The following DRC8 variants were observed in gnomAD, a reference collection of about 807,000 sequenced individuals.
The protein encoded by DRC8 is dynein regulatory complex protein 8.
the DRC8 span, chr1:245,091,397 C>T: frequency 5.9e-5 from 9 of 152,242 alleles, no homozygotes; most frequent in Non-Finnish European, 7.3e-5. Context: ...GACAGCTCTG[C>T]GTTAAGACCT....
chr1:245,088,227 G>A, the DRC8 span, among the ~76,000 whole-genome samples: 1 of 151,628 alleles, frequency 6.6e-6, no homozygotes, highest in South Asian at 2.1e-4. The surrounding 1 kb of genome is among the most constrained non-coding windows in gnomAD (Gnocchi z 4.6). Context: ...ATCTTATATG[G>A]CAACTATATG....
At chr1:245,064,771 T>C in the DRC8 span, among the ~76,000 whole-genome samples, 4 of 152,218 alleles carry the variant, frequency 2.6e-5, no homozygotes, top group African/African-American at 9.6e-5. Flanking sequence ...TTCCTGGTAA[T>C]GCTATTGAGA....
At chr1:245,090,980 A>G in the DRC8 span, 17 of 152,338 alleles carry the variant, frequency 1.1e-4, 2 homozygotes, top group African/African-American at 3.8e-4. Context: ...TAAGAATGGA[A>G]GGCATTTCTT....
the DRC8 span, among the ~76,000 whole-genome samples, chr1:245,022,829 C>T: frequency 6.6e-6 from 1 of 152,114 alleles, no homozygotes; most frequent in African/African-American, 2.4e-5. Context: ...ACTCTACAAC[C>T]ATCACCGCTA....
At chr1:245,043,106 T>G in the DRC8 span, among the ~76,000 whole-genome samples, 1 of 152,254 alleles carries the variant, frequency 6.6e-6, no homozygotes, top group Non-Finnish European at 1.5e-5. Flanking sequence ...TTTGTACTTC[T>G]TATCAATATA....
chr1:245,027,218 T>A, the DRC8 span, among the ~76,000 whole-genome samples: 3 of 152,228 alleles, frequency 2.0e-5, no homozygotes, highest in Admixed American at 6.5e-5. Context: ...GAGAATTTTT[T>A]AAAGTCATTC....
the DRC8 span, among the ~76,000 whole-genome samples, chr1:245,055,613 G>A: frequency 1.6e-3 from 236 of 152,132 alleles, 2 homozygotes; most frequent in African/African-American, 5.6e-3. Flanking sequence ...GTGAGCCACC[G>A]CGCCTGGCCT....
the DRC8 span, chr1:244,970,844 G>T: frequency 3.4e-6 from 1 of 295,460 alleles, no homozygotes; most frequent in Non-Finnish European, 6.3e-6. Flanking sequence ...GGCGCCGGCA[G>T]GGGGTGCTGA....
chr1:244,982,508 A>G, the DRC8 span, among the ~76,000 whole-genome samples: 1 of 151,738 alleles, frequency 6.6e-6, no homozygotes, highest in African/African-American at 2.4e-5. Flanking sequence ...CTACAAAAAG[A>G]CAAAAATTAG....
chr1:245,012,077 T>C, the DRC8 span, among the ~76,000 whole-genome samples: 1 of 152,178 alleles, frequency 6.6e-6, no homozygotes, highest in Non-Finnish European at 1.5e-5. Context: ...TGATAAGAAG[T>C]TATTAAAAAT....
chr1:245,036,319 C>T, the DRC8 span, among the ~76,000 whole-genome samples: 1 of 152,082 alleles, frequency 6.6e-6, no homozygotes, highest in Admixed American at 6.5e-5. Context: ...CAAATCAAAA[C>T]CATAGTGAAA....
At chr1:245,033,737 C>CT in the DRC8 span, among the ~76,000 whole-genome samples, 4 of 147,006 alleles carry the variant, frequency 2.7e-5, no homozygotes, top group East Asian at 2.0e-4. Context: ...TTTCTTTTTT[C>CT]TTTTTTTTGA....
the DRC8 span, among the ~76,000 whole-genome samples, chr1:245,012,504 A>G: frequency 5.1e-4 from 71 of 139,240 alleles, no homozygotes; most frequent in Middle Eastern, 0.01. Context: ...TTTAATTAAT[A>G]CATTTTTCAG....
the DRC8 span, among the ~76,000 whole-genome samples, chr1:245,026,773 A>G: frequency 6.6e-6 from 1 of 152,224 alleles, no homozygotes; most frequent in Admixed American, 6.6e-5. Flanking sequence ...AAAAATTACA[A>G]AAGGACGGAA....
the DRC8 span, among the ~76,000 whole-genome samples, chr1:245,061,161 C>T: frequency 6.6e-6 from 1 of 152,228 alleles, no homozygotes; most frequent in Non-Finnish European, 1.5e-5. Flanking sequence ...TTCAATGAGC[C>T]ACTTAATCCT....
the DRC8 span, among the ~76,000 whole-genome samples, chr1:245,098,322 A>G: frequency 6.6e-6 from 1 of 152,020 alleles, no homozygotes; most frequent in South Asian, 2.1e-4. Context: ...CTGGGGTTGG[A>G]GTGGTCAGTG....
the DRC8 span, among the ~76,000 whole-genome samples, chr1:244,985,669 G>C: frequency 1.6e-4 from 25 of 151,908 alleles, no homozygotes; most frequent in Non-Finnish European, 3.1e-4. Flanking sequence ...TTCAAGACCA[G>C]CCTGGCTAAT....
chr1:245,029,813 C>T, the DRC8 span, among the ~76,000 whole-genome samples: 1 of 152,000 alleles, frequency 6.6e-6, no homozygotes, highest in African/African-American at 2.4e-5. Flanking sequence ...CCAGGCTGGT[C>T]TCGAACTCCT....
At chr1:244,974,125 C>T in the DRC8 span, among the ~76,000 whole-genome samples, 1 of 152,126 alleles carries the variant, frequency 6.6e-6, no homozygotes, top group Non-Finnish European at 1.5e-5. Context: ...CCAAAGTTTC[C>T]TCAGCCAGAA....
Sources: allele counts gnomAD v4.1 joint callset (sites outside exome capture counted in the v4.1 genomes callset), GRCh38; gene constraint gnomAD v4.1.1; non-coding constraint Gnocchi (gnomAD v3.1); transcripts MANE v1.5; gene names NCBI Gene and HGNC (gene_info 2026-07-23, HGNC 2026-07-21).